PHF24: variants seen among roughly 807,000 people sequenced by gnomAD.
PHF24 encodes the protein PHD finger protein 24, also known as Galpha inhibitory interacting protein.
PHF24 carries 25 observed loss-of-function variants against 42.6 expected under a neutral mutation model. The observed-to-expected ratio is 0.59, with a 90% confidence interval of 0.43 to 0.82. The LOEUF (loss-of-function observed/expected upper bound fraction) is 0.82. PHF24 is among the 40% of genes least tolerant of loss of function. PHF24 has a pLI of 0.00. For missense variants in PHF24, 470 were observed against 538.1 expected (o/e 0.87, Z 1.25); for synonymous variants, 185 against 204.8 (o/e 0.90, Z 0.83).
the PHF24 span, among the ~76,000 whole-genome samples, chr9:34,949,244 T>C: frequency 6.6e-6 from 1 of 152,158 alleles, no homozygotes; most frequent in Admixed American, 6.5e-5. Flanking sequence ...TTCACAAAAA[T>C]AAACCATATT....
chr9:34,914,448 T>C, the PHF24 span, among the ~76,000 whole-genome samples: 1 of 152,308 alleles, frequency 6.6e-6, no homozygotes, highest in African/African-American at 2.4e-5. Context: ...ATTCCTACAA[T>C]AAAAGTCTTT....
chr9:34,800,053 A>G, the PHF24 span, among the ~76,000 whole-genome samples: 2 of 152,218 alleles, frequency 1.3e-5, no homozygotes, highest in Admixed American at 6.5e-5. Context: ...TATTTGGGTA[A>G]TAGTTACACT....
the PHF24 span, among the ~76,000 whole-genome samples, chr9:34,735,046 G>A: frequency 1.3e-5 from 2 of 151,806 alleles, no homozygotes; most frequent in Non-Finnish European, 2.9e-5. Context: ...TAAAGTCCTA[G>A]CAGAAGGAAA....
chr9:34,792,586 G>A, the PHF24 span, among the ~76,000 whole-genome samples: 1 of 151,944 alleles, frequency 6.6e-6, no homozygotes, highest in Non-Finnish European at 1.5e-5. Flanking sequence ...CAGGAGAATC[G>A]CTTGAACCCG....
chr9:34,770,888 T>A, the PHF24 span, among the ~76,000 whole-genome samples: 1 of 152,020 alleles, frequency 6.6e-6, no homozygotes, highest in Admixed American at 6.6e-5. Context: ...CTGAAGTGGG[T>A]GTATTACTTG....
At chr9:34,836,590 G>C in the PHF24 span, among the ~76,000 whole-genome samples, 1 of 152,186 alleles carries the variant, frequency 6.6e-6, no homozygotes, top group Non-Finnish European at 1.5e-5. Flanking sequence ...GAAATCTTAA[G>C]AGGATAAGAT....
the PHF24 span, among the ~76,000 whole-genome samples, chr9:34,841,504 A>G: frequency 7.2e-5 from 11 of 152,260 alleles, no homozygotes; most frequent in Admixed American, 5.9e-4. Context: ...TCTAGAGTTT[A>G]GTAATTAAAA....
At chr9:34,974,900 C>G (rs1827132882) in intron 3 of PHF24, among the ~76,000 whole-genome samples, 1 of 152,186 alleles carries the variant, frequency 6.6e-6, no homozygotes, top group Non-Finnish European at 1.5e-5. Context: ...CAATCTCTCC[C>G]TCATGCCTCA....
At chr9:34,681,012 A>G in the PHF24 span, 7 of 152,224 alleles carry the variant, frequency 4.6e-5, no homozygotes, top group African/African-American at 1.2e-4. Flanking sequence ...ACTTTGGCCA[A>G]TGAAATGTGA....
At chr9:34,940,292 C>T in the PHF24 span, among the ~76,000 whole-genome samples, 6 of 151,900 alleles carry the variant, frequency 3.9e-5, no homozygotes, top group Non-Finnish European at 5.9e-5. Flanking sequence ...ACAACAAAGA[C>T]ACACAGAAGC....
At chr9:34,867,363 G>A in the PHF24 span, among the ~76,000 whole-genome samples, 1 of 152,216 alleles carries the variant, frequency 6.6e-6, no homozygotes, top group Admixed American at 6.5e-5. Context: ...AGTGTAGCCT[G>A]TGCAGTTGAG....
the PHF24 span, chr9:34,835,734 C>T: frequency 4.0e-3 from 6,277 of 1,551,024 alleles, 16 homozygotes; most frequent in African/African-American, 7.6e-3. Flanking sequence ...CATCTGCATA[C>T]GTTGACTGGG....
At chr9:34,841,233 T>G in the PHF24 span, among the ~76,000 whole-genome samples, 4 of 152,148 alleles carry the variant, frequency 2.6e-5, no homozygotes, top group Admixed American at 6.5e-5. Context: ...TCTCCTGACC[T>G]TGTGATCCTC....
At chr9:34,736,095 G>A in the PHF24 span, among the ~76,000 whole-genome samples, 1 of 151,958 alleles carries the variant, frequency 6.6e-6, no homozygotes, top group Non-Finnish European at 1.5e-5. Flanking sequence ...GAAAAAATAA[G>A]TGAACCTGAA....
At chr9:34,759,251 C>T in the PHF24 span, among the ~76,000 whole-genome samples, 1 of 152,186 alleles carries the variant, frequency 6.6e-6, no homozygotes, top group Non-Finnish European at 1.5e-5. Context: ...CCCCCACTCA[C>T]TAGTTTCTCT....
At chr9:34,925,600 G>T in the PHF24 span, among the ~76,000 whole-genome samples, 1 of 151,776 alleles carries the variant, frequency 6.6e-6, no homozygotes, top group African/African-American at 2.4e-5. Context: ...TTCATTCATT[G>T]ACTTTTTTAG....
At chr9:34,758,978 C>A in the PHF24 span, among the ~76,000 whole-genome samples, 1 of 152,124 alleles carries the variant, frequency 6.6e-6, no homozygotes, top group Admixed American at 6.5e-5. This position sits in a 1 kb window ranked among gnomAD's most constrained non-coding sequence, Gnocchi z 4.4. Context: ...GCTCCCGTCA[C>A]CACAGGCGCA....
In PHF24 at chr9:34,976,367, G is replaced by A. The variant is rs1470692216; in HGVS notation, c.643+137G>A. 8.2e-6 allele frequency: 8 copies of A among 971,728 alleles called. No homozygotes were observed. The South Asian group carries it at 1.0e-4, about 12-fold the overall frequency. 60.2% of individuals were successfully genotyped at this position (971,728 alleles called of 1,614,324 possible). A position where few individuals can be genotyped will look rare whatever the true frequency, so the allele number is the denominator to read the frequency against. On this transcript the variant is annotated intron_variant, in intron 4 of 7. Transcript: ENST00000242315. Reference sequence around the variant, plus strand: ...ATGAGTCCTTGTTCCTGAGTTGTTGGCCAGCAGAGTCACCTATCCCTGTCA... The same window carrying A: ...ATGAGTCCTTGTTCCTGAGTTGTTGACCAGCAGAGTCACCTATCCCTGTCA...
the PHF24 span, chr9:34,728,777 A>G: frequency 5.9e-6 from 5 of 849,714 alleles, no homozygotes; most frequent in Non-Finnish European, 5.6e-6. Context: ...TATTTTATAC[A>G]CTCTCCTGGA....
Sources: gnomAD v4.1 joint callset for allele counts (sites outside exome capture counted in the v4.1 genomes callset) on GRCh38, gnomAD v4.1.1 for gene constraint, Gnocchi (gnomAD v3.1) non-coding constraint, MANE v1.5 for transcripts, NCBI Gene and HGNC (gene_info 2026-07-23, HGNC 2026-07-21) for gene names.